The following ZPBP variants were observed in gnomAD, a reference collection of about 807,000 sequenced individuals.
The protein encoded by ZPBP is zona pellucida-binding protein 1.
A neutral mutation model predicts 44.8 loss-of-function variants in ZPBP; 26 were observed. The observed-to-expected ratio is 0.58, with a 90% CI of 0.43 to 0.81. ZPBP has a LOEUF of 0.81. Among genes scored for constraint, ZPBP ranks in the 30% least tolerant of loss-of-function variants. The pLI is 0.00. For missense variants in ZPBP, 409 were observed against 434.0 expected (o/e 0.94, Z 0.51); for synonymous variants, 174 against 153.2 (o/e 1.14, Z -1.00).
chr7:49,853,591 A>AT (rs1790286410), intron 2 of ZPBP, among the ~76,000 whole-genome samples: 1 of 152,134 alleles, frequency 6.6e-6, no homozygotes, highest in Non-Finnish European at 1.5e-5. Context: ...AAATGAAAGA[A>AT]TTTACATAAA....
In ZPBP at chr7:50,022,103, A is replaced by C. The variant is rs563434969; in HGVS notation, c.707-3787T>G. On this transcript the variant is annotated intron_variant, in intron 5 of 7. Coordinates refer to ENST00000046087, the MANE Select transcript of ZPBP (RefSeq NM_007009.3). The stretch of plus-strand genomic sequence containing the variant: ...CCTGTATCTGGCAAAACAAGCTGTC[A>C]AAAATGAAGGAGAATCTACGATCTT... Among the ~76,000 whole-genome samples the C allele has an allele frequency of 2.0e-4, 31 of 152,292 alleles. No homozygotes were observed. In the South Asian group the frequency reaches 6.4e-3, roughly 32 times the overall value.
intron 1 of ZPBP, among the ~76,000 whole-genome samples, chr7:49,923,615 C>CTTCTTA (rs1794117296): frequency 6.6e-6 from 1 of 151,846 alleles, no homozygotes; most frequent in Admixed American, 6.6e-5. Flanking sequence ...ATGAAAACTT[C>CTTCTTA]TTCTTCTTCT....
intron 6 of ZPBP, among the ~76,000 whole-genome samples, chr7:49,998,384 G>A (rs1476982563): frequency 2.6e-5 from 4 of 152,208 alleles, no homozygotes; most frequent in African/African-American, 9.6e-5. Context: ...AGCCATTTAT[G>A]TGATACTTGA....
chr7:49,883,016 C>G (rs1279717573), intron 2 of ZPBP, among the ~76,000 whole-genome samples: 1 of 152,042 alleles, frequency 6.6e-6, no homozygotes, highest in Non-Finnish European at 1.5e-5. Context: ...TGCTTGCTAC[C>G]TGGATTAACA....
chr7:49,939,874 C>A (rs1326851332), intron 7 of ZPBP, among the ~76,000 whole-genome samples: 1 of 152,102 alleles, frequency 6.6e-6, no homozygotes, highest in Non-Finnish European at 1.5e-5. Context: ...CAGCCTTTGA[C>A]AACAAACTTT....
intron 1 of ZPBP, chr7:49,901,318 C>A (rs890933914): frequency 2.6e-5 from 4 of 151,442 alleles, no homozygotes; most frequent in African/African-American, 9.7e-5. Context: ...GTAGAAAATT[C>A]AAAACAATCA....
rs141470897 is a variant in ZPBP at position 50,090,096 on chromosome 7, T to C, written c.128-387A>G. On this transcript the variant is annotated intron_variant, in intron 1 of 7. Coordinates refer to ENST00000046087, the MANE Select transcript of ZPBP (RefSeq NM_007009.3). The stretch of plus-strand genomic sequence containing the variant: ...ATAACACTCATTCTACATTGTACTA[T>C]AGTTCTTTGTTTTTAATTTCCTTAA... Among the ~76,000 whole-genome samples the C allele has an allele frequency of 6.5e-3, 989 of 152,262 alleles. 8 individuals carry two copies. The highest frequency in any genetic ancestry group is 0.023 in the African/African-American group (941 of 41,552).
At chr7:49,886,710 G>GT (rs373993739) in intron 2 of ZPBP, among the ~76,000 whole-genome samples, 2 of 152,222 alleles carry the variant, frequency 1.3e-5, no homozygotes, top group African/African-American at 2.4e-5. Flanking sequence ...CTATTATGTA[G>GT]TTTTTTAAAA....
At chr7:50,066,574 T>C (rs1801513390) in intron 3 of ZPBP, among the ~76,000 whole-genome samples, 1 of 152,220 alleles carries the variant, frequency 6.6e-6, no homozygotes, top group African/African-American at 2.4e-5. Flanking sequence ...ACACTACACA[T>C]AGGCATGGCA....
chr7:49,965,077 T>A (rs1237971412), intron 7 of ZPBP, among the ~76,000 whole-genome samples: 1 of 152,022 alleles, frequency 6.6e-6, no homozygotes. Context: ...AAGTGGAATA[T>A]AATTAATGTA....
At position 50,024,249 on chromosome 7, in the gene ZPBP, G is replaced by A. The variant is rs1284251256; in HGVS notation, c.707-5933C>T. 2.0e-5 allele frequency among the ~76,000 whole-genome samples: 3 copies of A among 148,032 alleles called. No individual in the cohort carries two copies. In the East Asian group the frequency reaches 5.8e-4, roughly 29 times the overall value. On this transcript the variant is annotated intron_variant, in intron 5 of 7. Coordinates refer to ENST00000046087, the MANE Select transcript of ZPBP (RefSeq NM_007009.3). ...CAACAATTGTAGAAAACAGTATAGAGGTTACTAAAGAAATTAAAAATAGAA... is the reference window on the plus strand; with the variant it reads ...CAACAATTGTAGAAAACAGTATAGAAGTTACTAAAGAAATTAAAAATAGAA...
chr7:49,921,096 C>T (rs1322899991), intron 1 of ZPBP: 1 of 152,196 alleles, frequency 6.6e-6, no homozygotes, highest in East Asian at 1.9e-4. Flanking sequence ...CACCACCTTT[C>T]CTGCATATCT....
chr7:50,045,624 C>T (rs1471897896), intron 4 of ZPBP, among the ~76,000 whole-genome samples: 2 of 152,142 alleles, frequency 1.3e-5, no homozygotes, highest in African/African-American at 2.4e-5. Context: ...GAACTACAAA[C>T]CACTGCTCAA....
At chr7:49,857,009 CAAAAAAAAAAAAAAAAAAAA>C (rs59910243) in intron 2 of ZPBP, among the ~76,000 whole-genome samples, 1 of 52,764 alleles carries the variant, frequency 1.9e-5, no homozygotes, top group East Asian at 7.0e-4. Context: ...GATACTGTCT[CAAAAAAAAAAAAAAAAAAAA>C]AAAAAAAAAA....
chr7:50,090,531 ATGTG>A (rs1303262065), intron 1 of ZPBP, among the ~76,000 whole-genome samples: 3 of 151,636 alleles, frequency 2.0e-5, no homozygotes, highest in Middle Eastern at 3.4e-3. Flanking sequence ...GTGTATATAT[ATGTG>A]TGTATATATG....
chr7:50,091,865 G>A (rs1221546785), intron 1 of ZPBP, among the ~76,000 whole-genome samples: 1 of 152,108 alleles, frequency 6.6e-6, no homozygotes, highest in East Asian at 1.9e-4. Context: ...AAAAGGATGT[G>A]GTATCAAAGC....
At chr7:50,053,493 T>A (rs542987832) in intron 4 of ZPBP, among the ~76,000 whole-genome samples, 1 of 152,352 alleles carries the variant, frequency 6.6e-6, no homozygotes, top group East Asian at 1.9e-4. Context: ...ACTTACAGCC[T>A]TAATTTTCTG....
intron 7 of ZPBP, 75 bp downstream of exon 7, chr7:49,983,267 T>C: frequency 8.3e-7 from 1 of 1,210,200 alleles, no homozygotes; most frequent in Admixed American, 1.7e-5. Flanking sequence ...ATAAGTGATA[T>C]GCATTCACTT....
In ZPBP at chr7:49,983,447, G is replaced by T. The variant is rs2128782111; in HGVS notation, c.856C>A (p.Gln286Lys). 6.2e-7 allele frequency: 1 copy of T among 1,609,568 alleles called. No individual in the cohort carries two copies. The highest frequency in any genetic ancestry group is 1.7e-4 in the Middle Eastern group (1 of 6,046). ...ILGRRAEQLP[Q>K]IYYIEGTLQM... is the part of the protein sequence containing the mutation. The stretch of plus-strand genomic sequence containing the variant: ...AGAGTACCTTCAATATAGTATATTT[G>T]AGGTAATTGTTCTGCACGTCTGCCA... The change falls in exon 7 of 8, where the codon CAA becomes AAA. Residue 286 changes from glutamine to lysine, a missense_variant. Gln to Lys is a moderately conservative substitution (Grantham distance 53). Around this residue, in one of 2 missense-constraint regions of ZPBP, gnomAD observed 367 missense variants for 363.1 expected, o/e 1.01. Transcript: ENST00000046087.
Sources: gnomAD v4.1 joint callset for allele counts (sites outside exome capture counted in the v4.1 genomes callset) on GRCh38, gnomAD v4.1.1 for gene constraint, gnomAD v4.1.1 regional missense constraint, MANE v1.5 for transcripts, NCBI Gene and HGNC (gene_info 2026-07-23, HGNC 2026-07-21) for gene names.